MRTFB: variants seen among roughly 807,000 people sequenced by gnomAD.
The protein encoded by MRTFB is myocardin related transcription factor B.
A neutral mutation model predicts 104.2 loss-of-function variants in MRTFB; 29 were observed. The ratio of observed to expected loss-of-function variants is 0.28; its 90% CI spans 0.21 to 0.38. The LOEUF (loss-of-function observed/expected upper bound fraction) is 0.38, where lower values mean the gene tolerates loss of function less well. Ranked by LOEUF, MRTFB falls within the 10% of genes least tolerant of loss-of-function variation. The pLI, the probability that MRTFB is intolerant of heterozygous loss-of-function variation, is 1.00. For synonymous variants in MRTFB, 535 were observed against 519.5 expected (o/e 1.03, Z -0.41); for missense variants, 1,270 against 1,341.6 (o/e 0.95, Z 0.83).
At chr16:14,134,447 C>G (rs1174203382) in intron 2 of MRTFB, among the ~76,000 whole-genome samples, 1 of 152,168 alleles carries the variant, frequency 6.6e-6, no homozygotes, top group Non-Finnish European at 1.5e-5. Context: ...AGTTTAATTC[C>G]AGTCATGCTT....
the MRTFB span, among the ~76,000 whole-genome samples, chr16:14,026,815 G>A: frequency 6.6e-6 from 1 of 152,140 alleles, no homozygotes; most frequent in Non-Finnish European, 1.5e-5. Context: ...AACATCTTTG[G>A]CTATTAGGGA....
chr16:14,015,359 T>A, the MRTFB span, among the ~76,000 whole-genome samples: 1 of 152,156 alleles, frequency 6.6e-6, no homozygotes, highest in Non-Finnish European at 1.5e-5. Context: ...CCCAAATAAT[T>A]CAGGCCTGTG....
At chr16:14,194,486 G>A (rs189419267) in intron 3 of MRTFB, among the ~76,000 whole-genome samples, 5 of 152,282 alleles carry the variant, frequency 3.3e-5, no homozygotes, top group African/African-American at 9.6e-5. Flanking sequence ...GTCACATTGG[G>A]GGTTAGGGCT....
intron 3 of MRTFB, among the ~76,000 whole-genome samples, chr16:14,158,556 A>G (rs2038911435): frequency 6.6e-6 from 1 of 152,242 alleles, no homozygotes; most frequent in Non-Finnish European, 1.5e-5. Flanking sequence ...TGCTATTACA[A>G]TAGAAAAAAT....
chr16:14,058,742 G>T, the MRTFB span, among the ~76,000 whole-genome samples: 1 of 120,190 alleles, frequency 8.3e-6, no homozygotes, highest in East Asian at 2.4e-4. Flanking sequence ...TTTTTGAGAC[G>T]GAGTCTCGCT....
the MRTFB span, among the ~76,000 whole-genome samples, chr16:14,064,183 ATGGTATCTCACTG>A: frequency 2.0e-5 from 3 of 152,142 alleles, no homozygotes; most frequent in Non-Finnish European, 4.4e-5. Context: ...CTGGTGTGAG[ATGGTATCTCACTG>A]TGGTTTTGAT....
At chr16:14,120,710 G>A (rs1414856678) in intron 2 of MRTFB, among the ~76,000 whole-genome samples, 5 of 152,202 alleles carry the variant, frequency 3.3e-5, no homozygotes, top group Non-Finnish European at 7.3e-5. Flanking sequence ...GATACATTAT[G>A]CAAGGCCCTG....
the MRTFB span, among the ~76,000 whole-genome samples, chr16:14,017,837 G>A: frequency 6.8e-6 from 1 of 146,554 alleles, no homozygotes; most frequent in Non-Finnish European, 1.5e-5. Context: ...TCCTGCCTCA[G>A]CCTCTAAGTA....
In MRTFB at chr16:14,236,393, C is replaced by T. The variant is rs570288618; in HGVS notation, c.831+2110C>T. ...TTTGTTGAACGGATACTTATTCAAG[C>T]ACCTTCTATGTGCCAGGCACTGTTC... is the stretch of plus-strand genomic sequence containing the variant. On this transcript the variant is annotated intron_variant, in intron 9 of 16. Transcript: ENST00000571589. Among the ~76,000 whole-genome samples the T allele has an allele frequency of 3.3e-5, 5 of 152,292 alleles. No individual in the cohort carries two copies. The South Asian group carries it at 1.0e-3, about 32-fold the overall frequency.
At chr16:14,003,623 G>GGCCTGCCTGCCTGCCTGCCTGCCTGCCT in the MRTFB span, among the ~76,000 whole-genome samples, 78 of 85,396 alleles carry the variant, frequency 9.1e-4, 1 homozygote, top group South Asian at 2.2e-3. Context: ...GGGGCCGGCC[G>GGCCTGCCTGCCTGCCTGCCTGCCTGCCT]GCCTGCCTGC....
At chr16:14,081,556 G>A (rs1423281065) in intron 2 of MRTFB, among the ~76,000 whole-genome samples, 2 of 152,068 alleles carry the variant, frequency 1.3e-5, no homozygotes, top group Non-Finnish European at 2.9e-5. Context: ...GCCTCCCAAA[G>A]TGCTGGGATT....
upstream of MRTFB, among the ~76,000 whole-genome samples, chr16:14,068,783 G>A (rs2033547210): frequency 6.6e-6 from 1 of 152,092 alleles, no homozygotes; most frequent in African/African-American, 2.4e-5. Context: ...GTGTCTGTGT[G>A]GGTGTTGCCA....
chr16:14,223,326 A>G (rs1043444184), intron 8 of MRTFB, among the ~76,000 whole-genome samples: 6 of 152,140 alleles, frequency 3.9e-5, no homozygotes, highest in African/African-American at 1.4e-4. Context: ...CACAAAAAAG[A>G]AAAAGAAAAA....
At chr16:14,074,642 A>G (rs998756932) in intron 1 of MRTFB, among the ~76,000 whole-genome samples, 2 of 152,206 alleles carry the variant, frequency 1.3e-5, no homozygotes, top group African/African-American at 2.4e-5. Flanking sequence ...CTTAGAGTCA[A>G]TGAAATAGGG....
chr16:14,100,431 A>G (rs1406719900), intron 2 of MRTFB, among the ~76,000 whole-genome samples: 1 of 152,214 alleles, frequency 6.6e-6, no homozygotes. Context: ...CCAGCCTTAC[A>G]TTCCTAGGAT....
intron 9 of MRTFB, among the ~76,000 whole-genome samples, chr16:14,238,218 G>A (rs552061754): frequency 7.9e-5 from 12 of 152,222 alleles, no homozygotes; most frequent in African/African-American, 2.4e-4. Flanking sequence ...AACAGTGCAC[G>A]GGATGGGCTC....
intron 3 of MRTFB, among the ~76,000 whole-genome samples, chr16:14,185,408 G>T (rs1434849803): frequency 6.6e-6 from 1 of 152,196 alleles, no homozygotes; most frequent in East Asian, 1.9e-4. Context: ...CTTTATCCCA[G>T]AGGAGGGTCT....
chr16:14,218,862 C>G lies in MRTFB; in HGVS notation c.557C>G (p.Ser186Ter). 6.2e-7 allele frequency: 1 copy of G among 1,613,398 alleles called. No homozygotes were observed. Among genetic ancestry groups the G allele is most frequent in the Non-Finnish European group, 8.5e-7 (1 of 1,179,628 alleles). Residue 186 changes from serine to a stop codon, truncating the protein, a stop_gained, in exon 8 of 17, where the codon TCA (serine) becomes TGA (stop). Coordinates refer to ENST00000571589, the MANE Select transcript of MRTFB (RefSeq NM_001308142.2). LOFTEE classifies it high-confidence loss of function. The stretch of plus-strand genomic sequence containing the variant: ...TATCCCCACACTCAGGGCGATTTCT[C>G]ATTTGATGAAGACAGCAGTGACGCT... ...EDYPHTQGDF[S>*]FDEDSSDALS...
rs1311671831 is a variant in MRTFB, at chr16:14,249,093, C to T, written c.2403+12C>T. On this transcript the variant is annotated intron_variant, in intron 13 of 16. Coordinates refer to ENST00000571589, the MANE Select transcript of MRTFB (RefSeq NM_001308142.2). ...AACAAGTCAGAAAGGTTTGTAAATG[C>T]CAAGGAGCAATAGAATGTCGCTGAT... The T allele has an allele frequency of 6.2e-7, 1 of 1,612,290 alleles. No individual in the cohort carries two copies. Among genetic ancestry groups the T allele is most frequent in the South Asian group, 1.1e-5 (1 of 90,680 alleles).
Sources: gnomAD v4.1 joint callset for allele counts (sites outside exome capture counted in the v4.1 genomes callset) on GRCh38, gnomAD v4.1.1 for gene constraint, MANE v1.5 for transcripts, NCBI Gene and HGNC (gene_info 2026-07-23, HGNC 2026-07-21) for gene names.